The following PCDHA5 variants were observed in gnomAD, a reference collection of about 807,000 sequenced individuals.
PCDHA5 encodes the protein protocadherin alpha 5, also known as protocadherin alpha-5.
Under a neutral mutation model 61.6 loss-of-function variants are expected in PCDHA5, and 43 were observed. The ratio of observed to expected loss-of-function variants is 0.70; its 90% CI spans 0.55 to 0.90. The LOEUF is 0.90. Among genes scored for constraint, PCDHA5 ranks in the 40% least tolerant of loss-of-function variants. PCDHA5 has a pLI of 0.00. For missense variants in PCDHA5, 1,298 were observed against 1,222.7 expected, an observed-to-expected ratio of 1.06 and a Z score of -0.92; for synonymous variants, 627 against 543.9, an observed-to-expected ratio of 1.15 and a Z score of -2.13.
chr5:140,856,816 C>T (rs2044218457), intron 1 of PCDHA5: 2 of 1,593,576 alleles, frequency 1.3e-6, no homozygotes, highest in Admixed American at 1.7e-5. Flanking sequence ...ATCAAGTGAA[C>T]CAAACATTAG....
At chr5:140,911,037 C>A (rs1432446373) in intron 1 of PCDHA5, among the ~76,000 whole-genome samples, 3 of 152,012 alleles carry the variant, frequency 2.0e-5, no homozygotes, top group Non-Finnish European at 4.4e-5. Context: ...GGTCTAGAAG[C>A]AAACAGGGGT....
intron 1 of PCDHA5, among the ~76,000 whole-genome samples, chr5:140,963,912 A>C (rs2095797972): frequency 6.6e-6 from 1 of 152,246 alleles, no homozygotes. Flanking sequence ...AGTGAAGCTT[A>C]GGCTAAGTAA....
intron 3 of PCDHA5, among the ~76,000 whole-genome samples, chr5:140,999,748 G>A (rs1563643254): frequency 1.3e-5 from 2 of 152,188 alleles, no homozygotes; most frequent in South Asian, 2.1e-4. Flanking sequence ...ATCTGGGTTC[G>A]CAGCACATGA....
At chr5:140,824,617 T>TTTTTTTTTTG (rs1768243563) in intron 1 of PCDHA5, 1 of 128,156 alleles carries the variant, frequency 7.8e-6, no homozygotes, top group African/African-American at 3.5e-5. Context: ...AAAGTTTTTT[T>TTTTTTTTTTG]TTTTTTTTTT....
rs2098419434 is a variant in PCDHA5, at chr5:141,011,100, CT to C, written c.*1164del. ...AAATGATCTCTCTTTCTCTCTCTCT[CT>C]CTCTTTTCTAAGAAACAATTATGTG... On this transcript the variant is annotated 3_prime_UTR_variant, in exon 4 of 4. Coordinates refer to ENST00000529859, the MANE Select transcript of PCDHA5 (RefSeq NM_018908.3). The C allele has an allele frequency of 1.3e-5, 2 of 153,772 alleles. No individual in the cohort carries two copies. Among genetic ancestry groups the C allele is most frequent in the Admixed American group, 6.5e-5 (1 of 15,290 alleles). The allele number at this position is 153,772 out of a possible 1,614,324, so 9.5% of individuals were successfully genotyped here.
rs533936031 is a variant in PCDHA5, at chr5:140,883,438, G to A, written c.2352+59311G>A. 14 of 1,614,132 alleles carry A rather than the reference G, an allele frequency of 8.7e-6. No individual in the cohort carries two copies. The South Asian group carries it at 1.3e-4, about 15-fold the overall frequency. ...ATGGACAGGTCACCTGCACCTTGAC[G>A]CCGCATGTCCCCTTCAAGCTGGTGT... On this transcript the variant is annotated intron_variant, in intron 1 of 3. Coordinates refer to ENST00000529859, the MANE Select transcript of PCDHA5 (RefSeq NM_018908.3).
intron 1 of PCDHA5, chr5:140,847,877 C>T (rs1305831915): frequency 6.7e-6 from 1 of 149,752 alleles, no homozygotes; most frequent in African/African-American, 2.4e-5. Flanking sequence ...CCAGACATGA[C>T]TAAGTTTCTT....
At chr5:140,871,376 G>A in intron 1 of PCDHA5, 2 of 1,614,196 alleles carry the variant, frequency 1.2e-6, no homozygotes, top group Non-Finnish European at 1.7e-6. Flanking sequence ...CAGAGGGTGT[G>A]CTCTGAGGAG....
intron 1 of PCDHA5, among the ~76,000 whole-genome samples, chr5:140,926,076 T>C (rs2082906284): frequency 1.3e-5 from 2 of 152,204 alleles, no homozygotes; most frequent in Admixed American, 1.3e-4. Context: ...TCGTCTCTAT[T>C]GCCCTCTTGG....
chr5:140,923,959 C>A (rs2153570659), intron 1 of PCDHA5, among the ~76,000 whole-genome samples: 1 of 152,348 alleles, frequency 6.6e-6, no homozygotes, highest in Non-Finnish European at 1.5e-5. Context: ...ACGCCCTAAT[C>A]TATACCCACA....
At chr5:141,002,435 C>A (rs958320342) in intron 3 of PCDHA5, among the ~76,000 whole-genome samples, 3 of 152,280 alleles carry the variant, frequency 2.0e-5, no homozygotes, top group South Asian at 2.1e-4. Flanking sequence ...AGGCAATAAC[C>A]ATAATAATTG....
chr5:141,002,879 A>G (rs2098100373), intron 3 of PCDHA5, among the ~76,000 whole-genome samples: 1 of 152,228 alleles, frequency 6.6e-6, no homozygotes, highest in Non-Finnish European at 1.5e-5. Flanking sequence ...TCAAGAACAG[A>G]AAGAGAACAA....
Position 140,843,785 on chromosome 5 carries a change from A to G in PCDHA5, c.2352+19658A>G. 2 of 1,419,854 alleles carry G rather than the reference A, an allele frequency of 1.4e-6. 1 individual carries two copies. Among genetic ancestry groups the G allele is most frequent in the South Asian group, 2.6e-5 (2 of 76,630 alleles). The allele number at this position is 1,419,854 out of a possible 1,614,324, so 88.0% of individuals were successfully genotyped here. ...ATTGTAGTTACTTTAAAAGTGTTTCAGATTTAGTTTTTCACCGTATTTTAT... is the reference window on the plus strand; with the variant it reads ...ATTGTAGTTACTTTAAAAGTGTTTCGGATTTAGTTTTTCACCGTATTTTAT... On this transcript the variant is annotated intron_variant, in intron 1 of 3. Coordinates refer to ENST00000529859, the MANE Select transcript of PCDHA5 (RefSeq NM_018908.3).
At chr5:140,875,438 T>C (rs1554167643) in intron 1 of PCDHA5, 1 of 1,568,134 alleles carries the variant, frequency 6.4e-7, no homozygotes, top group Non-Finnish European at 8.6e-7. Flanking sequence ...CCCTTAAAAC[T>C]GATTGTCCCA....
At position 140,857,876 on chromosome 5, in the gene PCDHA5, T is replaced by C. The variant is rs2044975773; in HGVS notation, c.2352+33749T>C. ...ATACAACGCGTGGCTGTCGTATGAATTGCAGTCGGCGGCGGTTGGTGCACG... is the reference window on the plus strand; with the variant it reads ...ATACAACGCGTGGCTGTCGTATGAACTGCAGTCGGCGGCGGTTGGTGCACG... On this transcript the variant is annotated intron_variant, in intron 1 of 3. Coordinates refer to ENST00000529859, the MANE Select transcript of PCDHA5 (RefSeq NM_018908.3). 3.1e-6 allele frequency: 5 copies of C among 1,597,774 alleles called. 1 individual carries two copies. Among genetic ancestry groups the C allele is most frequent in the East Asian group, 2.2e-5 (1 of 44,820 alleles).
rs200441286 is a variant in PCDHA5, at chr5:140,856,169, G to A, written c.2352+32042G>A. 1.9e-6 allele frequency: 3 copies of A among 1,598,230 alleles called. 1 individual carries two copies. The highest frequency in any genetic ancestry group is 2.6e-6 in the Non-Finnish European group (3 of 1,167,916). On this transcript the variant is annotated intron_variant, in intron 1 of 3. Transcript: ENST00000529859. ...CTCAGTCTACGAGGAGGCCAGACACGGCACCTTCGTGGGCCGCATCGCGCA... is the reference window on the plus strand; with the variant it reads ...CTCAGTCTACGAGGAGGCCAGACACAGCACCTTCGTGGGCCGCATCGCGCA...
At chr5:140,990,273 G>A (rs2097384089) in intron 3 of PCDHA5, among the ~76,000 whole-genome samples, 2 of 152,100 alleles carry the variant, frequency 1.3e-5, no homozygotes, top group African/African-American at 4.8e-5. Flanking sequence ...AATGTACCCC[G>A]GGTCTTGAGA....
At chr5:140,924,968 C>T (rs1376675912) in intron 1 of PCDHA5, among the ~76,000 whole-genome samples, 1 of 150,880 alleles carries the variant, frequency 6.6e-6, no homozygotes, top group Non-Finnish European at 1.5e-5. Context: ...AAGGTGAGTG[C>T]AGTGGCTCAT....
rs1263615997 is a variant in PCDHA5 at position 140,926,760 on chromosome 5, A to ATAC, written c.2353-52188_2353-52187insACT. ...GGCGCAACGTCGGCGGTCGCTGAGT[A>ATAC]TCCAGCCCGCAGCAGTGACGGCCGG... On this transcript the variant is annotated intron_variant, in intron 1 of 3. Transcript: ENST00000529859. The ATAC allele has an allele frequency of 6.1e-6, 8 of 1,312,248 alleles. No homozygotes were observed. The African/African-American group carries it at 1.2e-4, about 20-fold the overall frequency. The allele number at this position is 1,312,248 out of a possible 1,614,324, so 81.3% of individuals were successfully genotyped here.
Sources: gnomAD v4.1 joint callset for allele counts (sites outside exome capture counted in the v4.1 genomes callset) on GRCh38, gnomAD v4.1.1 for gene constraint, MANE v1.5 for transcripts, NCBI Gene and HGNC (gene_info 2026-07-23, HGNC 2026-07-21) for gene names.